Variants in GPD2 observed in about 807,000 individuals in gnomAD.
GPD2 encodes the protein glycerol-3-phosphate dehydrogenase, mitochondrial.
A neutral mutation model predicts 82.4 loss-of-function variants in GPD2; 54 were observed. The ratio of observed to expected loss-of-function variants is 0.66; its 90% CI spans 0.53 to 0.82. The LOEUF (loss-of-function observed/expected upper bound fraction) is 0.82. GPD2 is among the 40% of genes least tolerant of loss of function. The probability of loss-of-function intolerance (pLI) is 0.00; values close to 1 mark genes in which losing one functional copy is unlikely to be tolerated. For synonymous variants in GPD2, 288 were observed against 306.1 expected (o/e 0.94, Z 0.62); for missense variants, 748 against 896.2 (o/e 0.83, Z 2.11).
intron 9 of GPD2, among the ~76,000 whole-genome samples, chr2:156,565,479 A>G (rs1226859166): frequency 6.6e-6 from 1 of 152,150 alleles, no homozygotes; most frequent in Non-Finnish European, 1.5e-5. Flanking sequence ...GAGAATGCAC[A>G]CATCAGAGGG....
intron 3 of GPD2, among the ~76,000 whole-genome samples, chr2:156,498,151 A>G (rs1479126832): frequency 6.6e-6 from 1 of 152,206 alleles, no homozygotes; most frequent in Non-Finnish European, 1.5e-5. Flanking sequence ...TAAAATATGT[A>G]GCCATTCTTT....
chr2:156,526,777 T>A (rs536661613), intron 6 of GPD2, among the ~76,000 whole-genome samples: 23 of 152,172 alleles, frequency 1.5e-4, no homozygotes, highest in African/African-American at 4.8e-4. Flanking sequence ...ATTTTATAGG[T>A]CACATTTGGA....
At chr2:156,516,604 G>C (rs2105280022) in intron 6 of GPD2, among the ~76,000 whole-genome samples, 1 of 152,192 alleles carries the variant, frequency 6.6e-6, no homozygotes, top group Non-Finnish European at 1.5e-5. Flanking sequence ...CACTATACCT[G>C]GCTAGTTGTT....
intron 1 of GPD2, among the ~76,000 whole-genome samples, chr2:156,452,622 C>T (rs754633541): frequency 1.3e-5 from 2 of 152,024 alleles, no homozygotes; most frequent in African/African-American, 4.8e-5. Flanking sequence ...AAAGCAGAGA[C>T]GTGGAAAAGT....
At chr2:156,580,899 AT>A (rs886706265) in intron 16 of GPD2, among the ~76,000 whole-genome samples, 4 of 152,172 alleles carry the variant, frequency 2.6e-5, no homozygotes, top group African/African-American at 9.7e-5. Context: ...CATTTAATGC[AT>A]TTTTTGTGTA....
chr2:156,468,954 AT>A (rs1005169776), intron 1 of GPD2, among the ~76,000 whole-genome samples: 2 of 152,150 alleles, frequency 1.3e-5, no homozygotes, highest in African/African-American at 4.8e-5. Context: ...CTCATTAACC[AT>A]CCCCACCCCA....
rs189110567 is a variant in GPD2, at chr2:156,454,150, G to A, written c.-9+17637G>A. ...GGATCTTGGGGTTATGAACAGAGTCGTTACTCAAAGTGTTTGACAACTCAT... is the reference window on the plus strand; with the variant it reads ...GGATCTTGGGGTTATGAACAGAGTCATTACTCAAAGTGTTTGACAACTCAT... On this transcript the variant is annotated intron_variant, in intron 1 of 16. Transcript: ENST00000438166. Among the ~76,000 whole-genome samples the A allele has an allele frequency of 6.7e-4, 102 of 152,302 alleles. 1 individual carries two copies. The highest frequency in any genetic ancestry group is 2.1e-3 in the African/African-American group (88 of 41,574).
chr2:156,569,650 C>T (rs1687536933), intron 11 of GPD2, 112 bp downstream of exon 11: 1 of 841,274 alleles, frequency 1.2e-6, no homozygotes, highest in Non-Finnish European at 2.1e-6. Flanking sequence ...TTGCTGAATA[C>T]ATTTCTGCCA....
At chr2:156,467,987 A>C (rs1236578236) in intron 1 of GPD2, among the ~76,000 whole-genome samples, 1 of 152,146 alleles carries the variant, frequency 6.6e-6, no homozygotes, top group Non-Finnish European at 1.5e-5. Flanking sequence ...ACAGTAAAGT[A>C]AAACTTGGGG....
chr2:156,576,162 G>A (rs10182361), intron 13 of GPD2, among the ~76,000 whole-genome samples: 102,878 of 152,098 alleles, frequency 0.68, 35,289 homozygotes, highest in Middle Eastern at 0.81. Context: ...ATGCATAGCC[G>A]TTAACAGTGG....
At chr2:156,566,389 C>T (rs1031284984) in intron 9 of GPD2, among the ~76,000 whole-genome samples, 2 of 152,030 alleles carry the variant, frequency 1.3e-5, no homozygotes, top group Non-Finnish European at 2.9e-5. Context: ...TCCCCCTCTC[C>T]CAACCCCTTG....
intron 1 of GPD2, among the ~76,000 whole-genome samples, chr2:156,448,768 G>T (rs1327672763): frequency 1.3e-5 from 2 of 152,198 alleles, no homozygotes; most frequent in Non-Finnish European, 2.9e-5. Context: ...AGAGTGAGAG[G>T]TGTCTGTATT....
At chr2:156,447,338 CTTTTT>C (rs886780057) in intron 1 of GPD2, among the ~76,000 whole-genome samples, 1 of 147,682 alleles carries the variant, frequency 6.8e-6, no homozygotes, top group Admixed American at 6.8e-5. Context: ...GAATCTCTCT[CTTTTT>C]TTTTTTCCTG....
chr2:156,416,010 G>A, the GPD2 span, among the ~76,000 whole-genome samples: 1 of 141,522 alleles, frequency 7.1e-6, no homozygotes, highest in East Asian at 2.1e-4. Flanking sequence ...GACAGAGCGA[G>A]ACTCCGTCTC....
At chr2:156,407,167 G>A in the GPD2 span, among the ~76,000 whole-genome samples, 32 of 152,242 alleles carry the variant, frequency 2.1e-4, no homozygotes, top group African/African-American at 3.9e-4. Context: ...AGCTGAGATC[G>A]CACCACTGCA....
chr2:156,434,492 A>G (rs561451290), upstream of GPD2, among the ~76,000 whole-genome samples: 1 of 152,318 alleles, frequency 6.6e-6, no homozygotes, highest in South Asian at 2.1e-4. Flanking sequence ...TTAATTGTCT[A>G]TAGATTGTTC....
rs1372167089 is a variant in GPD2, at chr2:156,557,582, G to C, written c.1165G>C (p.Val389Leu). ...VRNYLSCDVEVRRGDVLAAWS... is the reference protein window; with the variant it reads ...VRNYLSCDVELRRGDVLAAWS... ...TAATTACCTGAGTTGTGATGTTGAAGGTAACTAAGCATTCCTTTAAGTTTG... is the reference window on the plus strand; with the variant it reads ...TAATTACCTGAGTTGTGATGTTGAACGTAACTAAGCATTCCTTTAAGTTTG... The change falls in exon 9 of 17, where the codon GTG becomes CTG. Residue 389 changes from valine (V) to leucine (L), a missense_variant and splice_region_variant. Coordinates refer to ENST00000438166, the MANE Select transcript of GPD2 (RefSeq NM_000408.5). 2 of 1,534,644 alleles carry C rather than the reference G, an allele frequency of 1.3e-6. No homozygotes were observed. The highest frequency in any genetic ancestry group is 2.2e-5 in the East Asian group (1 of 44,496).
At chr2:156,426,061 C>T in the GPD2 span, among the ~76,000 whole-genome samples, 9 of 151,902 alleles carry the variant, frequency 5.9e-5, no homozygotes, top group Admixed American at 1.3e-4. Context: ...GTAGCTGGGA[C>T]TACAGGCGCC....
At chr2:156,434,479 C>G (rs1688367143), upstream of GPD2, among the ~76,000 whole-genome samples, 1 of 152,094 alleles carries the variant, frequency 6.6e-6, no homozygotes, top group Non-Finnish European at 1.5e-5. Flanking sequence ...AAAAAACAAA[C>G]TATTAATTGT....
Sources: allele counts gnomAD v4.1 joint callset (sites outside exome capture counted in the v4.1 genomes callset), GRCh38; gene constraint gnomAD v4.1.1; transcripts MANE v1.5; gene names NCBI Gene and HGNC (gene_info 2026-07-23, HGNC 2026-07-21).